Variants in UNC5D observed in about 807,000 individuals in gnomAD.
UNC5D encodes netrin receptor UNC5D.
Under a neutral mutation model 105.4 loss-of-function variants are expected in UNC5D, and 39 were observed. The observed-to-expected ratio is 0.37, with a 90% confidence interval of 0.29 to 0.48. The LOEUF (loss-of-function observed/expected upper bound fraction) is 0.48, where lower values mean the gene tolerates loss of function less well. Ranked by LOEUF, UNC5D falls within the 20% of genes least tolerant of loss-of-function variation. UNC5D has a pLI of 0.98. For missense variants in UNC5D, 991 were observed against 1,202.4 expected (o/e 0.82, Z 2.60); for synonymous variants, 452 against 450.4 (o/e 1.00, Z -0.04).
intron 11 of UNC5D, among the ~76,000 whole-genome samples, chr8:35,735,693 A>T (rs1334772317): frequency 6.6e-6 from 1 of 152,248 alleles, no homozygotes; most frequent in African/African-American, 2.4e-5. Context: ...AGAAGAAAGG[A>T]TAGAATTTCA....
intron 1 of UNC5D, among the ~76,000 whole-genome samples, chr8:35,457,333 G>A (rs1808562815): frequency 6.6e-6 from 1 of 151,862 alleles, no homozygotes; most frequent in South Asian, 2.1e-4. Context: ...GTTTAAAGAT[G>A]TAAACTTTAA....
intron 4 of UNC5D, among the ~76,000 whole-genome samples, chr8:35,672,347 A>C (rs773551584): frequency 6.6e-6 from 1 of 152,206 alleles, no homozygotes; most frequent in Non-Finnish European, 1.5e-5. Context: ...ATACAGAAGC[A>C]GTTTTCATTG....
intron 1 of UNC5D, among the ~76,000 whole-genome samples, chr8:35,520,047 C>A (rs116401853): frequency 6.6e-6 from 1 of 152,032 alleles, no homozygotes; most frequent in African/African-American, 2.4e-5. Context: ...TATGACCCCC[C>A]CAATTTTACA....
intron 1 of UNC5D, among the ~76,000 whole-genome samples, chr8:35,538,417 A>G (rs868785817): frequency 7.7e-6 from 1 of 129,842 alleles, no homozygotes; most frequent in African/African-American, 3.1e-5. Flanking sequence ...ATATATATAT[A>G]TATATATATA....
chr8:35,435,775 T>C (rs1806966580), intron 1 of UNC5D, among the ~76,000 whole-genome samples: 1 of 152,084 alleles, frequency 6.6e-6, no homozygotes, highest in Non-Finnish European at 1.5e-5. Flanking sequence ...ATCATTGACA[T>C]GGAAGCTATA....
chr8:35,417,864 A>G (rs886506204), intron 1 of UNC5D, among the ~76,000 whole-genome samples: 1 of 152,206 alleles, frequency 6.6e-6, no homozygotes, highest in Non-Finnish European at 1.5e-5. Context: ...TGCCAGATAC[A>G]CATATGTAAC....
chr8:35,318,273 C>A (rs1358650933), intron 1 of UNC5D, among the ~76,000 whole-genome samples: 1 of 152,062 alleles, frequency 6.6e-6, no homozygotes, highest in Non-Finnish European at 1.5e-5. Flanking sequence ...CAGTTGTCTT[C>A]CTGGTGCTCT....
At chr8:35,643,336 G>A (rs776345220) in intron 4 of UNC5D, among the ~76,000 whole-genome samples, 17 of 152,060 alleles carry the variant, frequency 1.1e-4, no homozygotes, top group Non-Finnish European at 8.8e-5. Context: ...CCTTTTTGCA[G>A]CCCATCTCTG....
chr8:35,556,099 A>G (rs928717153), intron 2 of UNC5D, among the ~76,000 whole-genome samples: 6 of 152,244 alleles, frequency 3.9e-5, no homozygotes, highest in Admixed American at 2.0e-4. Context: ...TGCATCCACA[A>G]TCACATAGCA....
chr8:35,287,757 T>A (rs1018163747), intron 1 of UNC5D, among the ~76,000 whole-genome samples: 1 of 152,074 alleles, frequency 6.6e-6, no homozygotes, highest in African/African-American at 2.4e-5. Context: ...CAGTGAGCTA[T>A]GATTGCACCT....
chr8:35,764,787 C>T (rs1427169886), intron 14 of UNC5D, among the ~76,000 whole-genome samples: 2 of 152,256 alleles, frequency 1.3e-5, no homozygotes, highest in South Asian at 2.1e-4. Context: ...CTTGGTGCCT[C>T]TTCCAGCATT....
chr8:35,545,397 A>G (rs1815580917), intron 1 of UNC5D, among the ~76,000 whole-genome samples: 1 of 151,588 alleles, frequency 6.6e-6, no homozygotes, highest in Admixed American at 6.6e-5. Flanking sequence ...AGGGCTGAGC[A>G]TGGTTGGCAA....
At chr8:35,717,733 G>T (rs1339642550) in intron 8 of UNC5D, among the ~76,000 whole-genome samples, 1 of 152,136 alleles carries the variant, frequency 6.6e-6, no homozygotes, top group African/African-American at 2.4e-5. Context: ...ATAATAAAAG[G>T]TCATGTCCTC....
At chr8:35,352,250 T>G (rs577368035) in intron 1 of UNC5D, among the ~76,000 whole-genome samples, 1 of 152,168 alleles carries the variant, frequency 6.6e-6, no homozygotes, top group South Asian at 2.1e-4. Context: ...AAATTATGAT[T>G]AAAAGTTACA....
At chr8:35,415,820 C>T (rs1052646364) in intron 1 of UNC5D, among the ~76,000 whole-genome samples, 14 of 152,064 alleles carry the variant, frequency 9.2e-5, no homozygotes, top group African/African-American at 2.2e-4. Flanking sequence ...ATCATGTATA[C>T]TACATAAAAT....
At chr8:35,573,871 T>G (rs1817918607) in intron 3 of UNC5D, among the ~76,000 whole-genome samples, 1 of 152,230 alleles carries the variant, frequency 6.6e-6, no homozygotes, top group African/African-American at 2.4e-5. Context: ...TGCCTGGGGC[T>G]GGAAATTGCG....
At chr8:35,297,293 G>A (rs1013960140) in intron 1 of UNC5D, among the ~76,000 whole-genome samples, 102 of 152,236 alleles carry the variant, frequency 6.7e-4, no homozygotes, top group African/African-American at 2.4e-3. Flanking sequence ...AATTATTAAA[G>A]ACAACTGTTC....
chr8:35,336,078 TAA>T (rs1185245958), intron 1 of UNC5D, among the ~76,000 whole-genome samples: 1 of 152,110 alleles, frequency 6.6e-6, no homozygotes, highest in African/African-American at 2.4e-5. Flanking sequence ...ATTTCAATTC[TAA>T]AAGACTCTAT....
At chr8:35,584,499 C>T (rs1586183997) in intron 3 of UNC5D, among the ~76,000 whole-genome samples, 1 of 152,096 alleles carries the variant, frequency 6.6e-6, no homozygotes, top group South Asian at 2.1e-4. Flanking sequence ...ACTGTGGCTT[C>T]CAACTCCTGG....
Sources: gnomAD v4.1 joint callset for allele counts (sites outside exome capture counted in the v4.1 genomes callset) on GRCh38, gnomAD v4.1.1 for gene constraint, MANE v1.5 for transcripts, NCBI Gene and HGNC (gene_info 2026-07-23, HGNC 2026-07-21) for gene names.